The following AAK1 variants were observed in gnomAD, a reference collection of about 807,000 sequenced individuals.
AAK1 encodes the protein AP2-associated protein kinase 1.
In AAK1, 37 loss-of-function variants were observed where a neutral mutation model predicts 116.0. That is an observed-to-expected ratio of 0.32 (90% CI 0.25 to 0.42). AAK1 has a LOEUF of 0.42. Among genes scored for constraint, AAK1 ranks in the 10% least tolerant of loss-of-function variants. The pLI, the probability that AAK1 is intolerant of heterozygous loss-of-function variation, is 1.00. For missense variants in AAK1, 919 were observed against 1,170.6 expected, an observed-to-expected ratio of 0.79 and a Z score of 3.14; for synonymous variants, 458 against 439.9, an observed-to-expected ratio of 1.04 and a Z score of -0.51.
At chr2:69,616,722 A>C (rs373599583) in intron 2 of AAK1, among the ~76,000 whole-genome samples, 1 of 152,190 alleles carries the variant, frequency 6.6e-6, no homozygotes, top group Non-Finnish European at 1.5e-5. Flanking sequence ...GGGGGGCAAA[A>C]CAGCCACAAT....
In AAK1 at chr2:69,496,070, C is replaced by T. The variant is rs1429098236; in HGVS notation, c.2280G>A (p.Arg760=). 1 of 1,553,890 alleles carries T rather than the reference C, an allele frequency of 6.4e-7. No individual in the cohort carries two copies. The highest frequency in any genetic ancestry group is 2.0e-5 in the Admixed American group (1 of 51,194). Residue 760 remains arginine (R), a synonymous_variant, in exon 17 of 22, where the codon AGG becomes AGA. Transcript: ENST00000409085. ...CAGAGTCCACAGTCTGCCCACCCTTCCTTTTTTCAGCTGGAGTTAGGTTGG... is the reference window on the plus strand; with the variant it reads ...CAGAGTCCACAGTCTGCCCACCCTTTCTTTTTTCAGCTGGAGTTAGGTTGG... The part of the protein sequence containing the change: ...TSFSAGTAEK[R]KGGQTVDSGL...
chr2:69,562,666 C>G (rs1558963809), intron 2 of AAK1, among the ~76,000 whole-genome samples: 1 of 152,094 alleles, frequency 6.6e-6, no homozygotes, highest in Non-Finnish European at 1.5e-5. Flanking sequence ...TCGAGGCGGG[C>G]AGATCACAAA....
At position 69,462,509 on chromosome 2, in the gene AAK1, T is replaced by C. The variant is rs2104854090; in HGVS notation, c.*13360A>G. 1 of 151,018 alleles carries C rather than the reference T, an allele frequency of 6.6e-6. No individual in the cohort carries two copies. Among genetic ancestry groups the C allele is most frequent in the East Asian group, 1.9e-4 (1 of 5,164 alleles). The allele number at this position is 151,018 out of a possible 1,614,324, so 9.4% of individuals were successfully genotyped here. Reference sequence around the variant, plus strand: ...ACCTGGCCAACATGGTGAAACCCCATCTCTACTAAGAATACAAAAATTAGC... The same window carrying C: ...ACCTGGCCAACATGGTGAAACCCCACCTCTACTAAGAATACAAAAATTAGC... On this transcript the variant is annotated 3_prime_UTR_variant, in exon 22 of 22. Coordinates refer to ENST00000409085, the MANE Select transcript of AAK1 (RefSeq NM_014911.5).
intron 2 of AAK1, among the ~76,000 whole-genome samples, chr2:69,575,023 A>C (rs1170225874): frequency 6.6e-6 from 1 of 151,104 alleles, no homozygotes; most frequent in Non-Finnish European, 1.5e-5. Flanking sequence ...AAGACTACAA[A>C]AAAAAAAAAA....
intron 2 of AAK1, among the ~76,000 whole-genome samples, chr2:69,557,452 C>A (rs1005838986): frequency 6.6e-6 from 1 of 152,050 alleles, no homozygotes. Flanking sequence ...CAGGTGTACA[C>A]CACCACTCCT....
intron 12 of AAK1, among the ~76,000 whole-genome samples, chr2:69,518,501 C>T (rs1230155474): frequency 6.6e-6 from 1 of 151,416 alleles, no homozygotes; most frequent in Non-Finnish European, 1.5e-5. Flanking sequence ...CTCACTGAAC[C>T]TCTGCCTCCT....
intron 2 of AAK1, among the ~76,000 whole-genome samples, chr2:69,585,403 C>A (rs74263556): frequency 1.3e-5 from 2 of 152,224 alleles, no homozygotes; most frequent in East Asian, 3.9e-4. Context: ...CCCACACCAC[C>A]CCAACTCCCC....
Position 69,474,703 on chromosome 2 carries a change from T to C in AAK1, c.*1166A>G. The C allele has an allele frequency of 1.0e-6, 1 of 985,782 alleles. No individual in the cohort carries two copies. The highest frequency in any genetic ancestry group is 1.7e-5 in the African/African-American group (1 of 57,330). 61.1% of individuals were successfully genotyped at this position (985,782 alleles called of 1,614,324 possible). A position where few individuals can be genotyped will look rare whatever the true frequency, so the allele number is the denominator to read the frequency against. On this transcript the variant is annotated 3_prime_UTR_variant, in exon 22 of 22. Transcript: ENST00000409085. ...ATCTGAAAATAAACAACATGCTTATTCTAGAGACAGAGGACCTGCTGAAAG... is the reference window on the plus strand; with the variant it reads ...ATCTGAAAATAAACAACATGCTTATCCTAGAGACAGAGGACCTGCTGAAAG...
chr2:69,636,078 T>C (rs1468081862), intron 2 of AAK1, among the ~76,000 whole-genome samples: 1 of 152,202 alleles, frequency 6.6e-6, no homozygotes, highest in Non-Finnish European at 1.5e-5. Flanking sequence ...TGGGGTGACA[T>C]CTTTATAGCA....
At chr2:69,522,539 C>T (rs886166149) in intron 10 of AAK1, among the ~76,000 whole-genome samples, 2 of 152,182 alleles carry the variant, frequency 1.3e-5, no homozygotes, top group Admixed American at 1.3e-4. Context: ...TGTGGTGGCT[C>T]ACACCTTTAA....
At chr2:69,563,887 A>G (rs1671752170) in intron 2 of AAK1, among the ~76,000 whole-genome samples, 1 of 152,182 alleles carries the variant, frequency 6.6e-6, no homozygotes, top group Non-Finnish European at 1.5e-5. Flanking sequence ...TCATTTCCTC[A>G]TGGGCAGAAA....
chr2:69,558,163 C>A (rs139394535), intron 2 of AAK1, among the ~76,000 whole-genome samples: 1 of 151,808 alleles, frequency 6.6e-6, no homozygotes, highest in Admixed American at 6.6e-5. Flanking sequence ...GGCAACATGG[C>A]GAAACCCTGT....
At chr2:69,527,115 A>C in intron 9 of AAK1, 101 bp downstream of exon 9, 1 of 826,486 alleles carries the variant, frequency 1.2e-6, no homozygotes, top group Middle Eastern at 2.3e-4. Context: ...TAGATAAAGC[A>C]AGGGACATCT....
At chr2:69,532,307 C>A (rs767430949) in intron 5 of AAK1, 145 bp from the exon 6 acceptor site, 14 of 976,734 alleles carry the variant, frequency 1.4e-5, no homozygotes, top group Non-Finnish European at 2.1e-5. Context: ...CCAAGTATCT[C>A]AACAGGGGTC....
intron 2 of AAK1, among the ~76,000 whole-genome samples, chr2:69,591,637 C>A (rs1308211633): frequency 6.7e-6 from 1 of 150,094 alleles, no homozygotes; most frequent in African/African-American, 2.5e-5. Flanking sequence ...GTGGCGCAAT[C>A]TCGGCTCACT....
chr2:69,502,323 A>G (rs1254406266), intron 16 of AAK1, among the ~76,000 whole-genome samples: 1 of 152,210 alleles, frequency 6.6e-6, no homozygotes, highest in African/African-American at 2.4e-5. Flanking sequence ...AAAATGGGTC[A>G]GTAAATAAGG....
chr2:69,570,673 T>TA (rs1449790417), intron 2 of AAK1, among the ~76,000 whole-genome samples: 1 of 152,216 alleles, frequency 6.6e-6, no homozygotes, highest in African/African-American at 2.4e-5. Context: ...TCCTCAGGGC[T>TA]AATACAGTGC....
intron 2 of AAK1, among the ~76,000 whole-genome samples, chr2:69,577,906 C>A (rs2105135889): frequency 6.6e-6 from 1 of 152,284 alleles, no homozygotes; most frequent in African/African-American, 2.4e-5. Context: ...TTTATTTTCA[C>A]CATTCCTGGG....
intron 2 of AAK1, among the ~76,000 whole-genome samples, chr2:69,611,918 T>G (rs932104349): frequency 6.6e-6 from 1 of 152,230 alleles, no homozygotes; most frequent in Non-Finnish European, 1.5e-5. Context: ...ACTCTATGAT[T>G]CCATTTTAGA....
Sources: allele counts gnomAD v4.1 joint callset (sites outside exome capture counted in the v4.1 genomes callset), GRCh38; gene constraint gnomAD v4.1.1; transcripts MANE v1.5; gene names NCBI Gene and HGNC (gene_info 2026-07-23, HGNC 2026-07-21).